CIP2A: variants seen among roughly 807,000 people sequenced by gnomAD.
The protein encoded by CIP2A is protein CIP2A.
In CIP2A, 103 loss-of-function variants were observed where a neutral mutation model predicts 110.9. The ratio of observed to expected loss-of-function variants is 0.93; its 90% CI spans 0.79 to 1.09. The LOEUF (loss-of-function observed/expected upper bound fraction) is 1.09, where lower values mean the gene tolerates loss of function less well. Ranked by LOEUF, CIP2A falls within the 50% of genes least tolerant of loss-of-function variation. The pLI is 0.00. For synonymous variants in CIP2A, 381 were observed against 361.6 expected (o/e 1.05, Z -0.61); for missense variants, 1,088 against 1,038.4 (o/e 1.05, Z -0.66).
chr3:108,573,333 A>T (rs1347762486), intron 8 of CIP2A, among the ~76,000 whole-genome samples: 11 of 152,004 alleles, frequency 7.2e-5, no homozygotes, highest in African/African-American at 1.7e-4. Flanking sequence ...TTACATATTT[A>T]AAAAAAGACA....
intron 8 of CIP2A, among the ~76,000 whole-genome samples, chr3:108,575,530 G>GCA (rs1938569820): frequency 6.8e-6 from 1 of 146,552 alleles, no homozygotes; most frequent in African/African-American, 2.7e-5. Context: ...ATATATACAC[G>GCA]TATATATACT....
rs763449508 is a variant in CIP2A, at chr3:108,550,138, A to C, written c.*1011T>G. ...TGGTATAGCAATAAAATCAATCAAAATATTGATGTAAAAACGTTTCTTACA... is the reference window on the plus strand; with the variant it reads ...TGGTATAGCAATAAAATCAATCAAACTATTGATGTAAAAACGTTTCTTACA... On this transcript the variant is annotated 3_prime_UTR_variant, in exon 21 of 21. Coordinates refer to ENST00000295746, the MANE Select transcript of CIP2A (RefSeq NM_020890.3). The C allele has an allele frequency of 4.6e-5, 7 of 151,892 alleles. No homozygotes were observed. The highest frequency in any genetic ancestry group is 7.4e-5 in the Non-Finnish European group (5 of 67,850). The allele number at this position is 151,892 out of a possible 1,614,324, so 9.4% of individuals were successfully genotyped here.
At chr3:108,582,919 A>G (rs1036747536) in intron 3 of CIP2A, 58 bp downstream of exon 3, 1 of 1,018,982 alleles carries the variant, frequency 9.8e-7, no homozygotes, top group Non-Finnish European at 1.5e-6. Context: ...TATGACAGAA[A>G]CTATCAATTT....
intron 2 of CIP2A, 32 bp downstream of exon 2, chr3:108,585,033 A>T: frequency 6.3e-7 from 1 of 1,587,010 alleles, no homozygotes; most frequent in Non-Finnish European, 8.6e-7. Flanking sequence ...TACATCTTCC[A>T]AAAACTAAAA....
chr3:108,559,398 G>A (rs1055140391), intron 16 of CIP2A, among the ~76,000 whole-genome samples: 1 of 152,128 alleles, frequency 6.6e-6, no homozygotes, highest in Non-Finnish European at 1.5e-5. Flanking sequence ...TAGGCACATA[G>A]TGCTCAGGAA....
At chr3:108,570,633 G>T (rs532911352) in intron 8 of CIP2A, among the ~76,000 whole-genome samples, 3 of 152,018 alleles carry the variant, frequency 2.0e-5, no homozygotes, top group Non-Finnish European at 2.9e-5. Context: ...CAGTATAAAA[G>T]ATCAAAAACG....
Position 108,579,269 on chromosome 3 carries a change from A to G in CIP2A, c.818+12T>C. Reference sequence around the variant, plus strand: ...ATAAAAAAGTTCTAAAATTGACTGAAGTGAGTCATACCTGGTGAGATAATC... The same window carrying G: ...ATAAAAAAGTTCTAAAATTGACTGAGGTGAGTCATACCTGGTGAGATAATC... On this transcript the variant is annotated intron_variant, in intron 7 of 20. Coordinates refer to ENST00000295746, the MANE Select transcript of CIP2A (RefSeq NM_020890.3). The G allele has an allele frequency of 1.3e-6, 2 of 1,592,474 alleles. No individual in the cohort carries two copies. Among genetic ancestry groups the G allele is most frequent in the Non-Finnish European group, 1.7e-6 (2 of 1,167,124 alleles).
intron 7 of CIP2A, among the ~76,000 whole-genome samples, chr3:108,577,293 T>C (rs995401773): frequency 6.6e-6 from 1 of 152,116 alleles, no homozygotes; most frequent in Admixed American, 6.6e-5. Flanking sequence ...AAAAGGGATA[T>C]CTGGTTGAAG....
chr3:108,555,448 C>T (rs188460406), intron 17 of CIP2A, among the ~76,000 whole-genome samples: 16 of 152,254 alleles, frequency 1.1e-4, no homozygotes, highest in Admixed American at 2.0e-4. Context: ...ACCAGTGATA[C>T]TTGATTCTTT....
At chr3:108,562,507 A>T (rs542484131) in intron 13 of CIP2A, among the ~76,000 whole-genome samples, 4 of 152,246 alleles carry the variant, frequency 2.6e-5, no homozygotes, top group South Asian at 4.1e-4. Context: ...TAAATGACTT[A>T]AAAAAATTTT....
At chr3:108,565,171 A>G (rs999856031) in intron 12 of CIP2A, among the ~76,000 whole-genome samples, 184 bp downstream of exon 12, 2 of 151,896 alleles carry the variant, frequency 1.3e-5, no homozygotes, top group Admixed American at 1.3e-4. Flanking sequence ...AATTCCTGTG[A>G]AAGTATATAA....
At chr3:108,567,228 G>A (rs990561692) in intron 10 of CIP2A, among the ~76,000 whole-genome samples, 5 of 151,522 alleles carry the variant, frequency 3.3e-5, no homozygotes, top group Non-Finnish European at 5.9e-5. Context: ...CTTGAAGTAA[G>A]GTTCTGGCAT....
chr3:108,556,875 T>G (rs13319899), intron 17 of CIP2A, among the ~76,000 whole-genome samples: 2,907 of 152,242 alleles, frequency 0.019, 100 homozygotes, highest in African/African-American at 0.067. Flanking sequence ...ATTAATGAAG[T>G]GCCTAACTAT....
chr3:108,552,186 A>G, intron 20 of CIP2A, 48 bp downstream of exon 20: 1 of 1,481,772 alleles, frequency 6.7e-7, no homozygotes, highest in Non-Finnish European at 9.1e-7. Context: ...CCTTTTCACA[A>G]CAGACTTTTT....
In CIP2A at chr3:108,583,044, T is replaced by C. The variant is rs1236665663; in HGVS notation, c.290A>G (p.Tyr97Cys). 9 of 1,604,292 alleles carry C rather than the reference T, an allele frequency of 5.6e-6. No homozygotes were observed. The highest frequency in any genetic ancestry group is 7.7e-6 in the Non-Finnish European group (9 of 1,175,306). The change falls in exon 3 of 21, where the codon TAT (tyrosine) becomes TGT (cysteine). Residue 97 changes from tyrosine (Y) to cysteine (C), a missense_variant. By Grantham distance (194) the Tyr-to-Cys change is radical (BLOSUM62 -2). Transcript: ENST00000295746. ...TCCCGCCAGCACACTATTCAGATTA[T>C]ATGTATTCTGAAGACAATCTCTGGT... ...IETRDCLQNT[Y>C]NLNSVLAGVV... is the part of the protein sequence containing the mutation.
rs71321267 is a variant in CIP2A at position 108,553,131 on chromosome 3, T to G, written c.2407+517A>C. On this transcript the variant is annotated intron_variant, in intron 19 of 20. Coordinates refer to ENST00000295746, the MANE Select transcript of CIP2A (RefSeq NM_020890.3). ...CATCTCTTTCCTTTTGTTTTTTTTT[T>G]TTTTTTTTTTTTTTTTGAGACAGTC... is the stretch of plus-strand genomic sequence containing the variant. 8.5e-3 allele frequency among the ~76,000 whole-genome samples: 1,138 copies of G among 133,488 alleles called. 12 individuals are homozygous for G. Among genetic ancestry groups the G allele is most frequent in the Middle Eastern group, 0.035 (10 of 282 alleles). 87.6% of individuals were successfully genotyped at this position (133,488 alleles called of 152,430 possible).
At chr3:108,557,110 T>A in intron 17 of CIP2A, 108 bp downstream of exon 17, 1 of 624,324 alleles carries the variant, frequency 1.6e-6, no homozygotes, top group Non-Finnish European at 2.8e-6. Context: ...CCTCATGTGT[T>A]ATCAGAATAT....
intron 19 of CIP2A, among the ~76,000 whole-genome samples, chr3:108,553,218 C>T (rs1230007830): frequency 1.4e-5 from 2 of 142,340 alleles, no homozygotes; most frequent in East Asian, 4.3e-4. Flanking sequence ...GCCTTGACAT[C>T]CAGGTTCAAG....
chr3:108,551,264 T>A lies in CIP2A; in HGVS notation c.2603A>T (p.Glu868Val). 1.9e-6 allele frequency: 3 copies of A among 1,612,564 alleles called. No individual in the cohort carries two copies. The highest frequency in any genetic ancestry group is 1.7e-4 in the Middle Eastern group (1 of 6,050). ...CTCTTGCTGAAGTTTCACCAAGGAC[T>A]CTTTCTCTTCCAAACGACCTTCTAA... ...AQLEGRLEEK[E>V]SLVKLQQEEL... The change falls in exon 21 of 21, where the codon GAG (glutamate) becomes GTG (valine). Residue 868 changes from glutamate to valine, a missense_variant. By Grantham distance (121) the Glu-to-Val change is moderately radical. Transcript: ENST00000295746.
Sources: allele counts gnomAD v4.1 joint callset (sites outside exome capture counted in the v4.1 genomes callset), GRCh38; gene constraint gnomAD v4.1.1; transcripts MANE v1.5; gene names NCBI Gene and HGNC (gene_info 2026-07-23, HGNC 2026-07-21).